DELE1: variants seen among roughly 807,000 people sequenced by gnomAD.
DELE1 encodes the protein death ligand signal enhancer.
DELE1 carries 54 observed loss-of-function variants against 59.3 expected under a neutral mutation model. That is an observed-to-expected ratio of 0.91 (90% CI 0.73 to 1.14). DELE1 has a LOEUF of 1.14. DELE1 is among the 50% of genes most tolerant of loss of function. DELE1 has a pLI of 0.00. For missense variants in DELE1, 636 were observed against 643.9 expected (o/e 0.99, Z 0.13); for synonymous variants, 264 against 259.1 (o/e 1.02, Z -0.18).
At position 141,934,565 on chromosome 5, in the gene DELE1, TTGGCTTGCAGCCAACAA is replaced by T; in HGVS notation, c.1132_1148del (p.Leu378GlyfsTer13). The T allele has an allele frequency of 6.2e-7, 1 of 1,614,266 alleles. No homozygotes were observed. Among genetic ancestry groups the T allele is most frequent in the Non-Finnish European group, 8.5e-7 (1 of 1,180,036 alleles). ...ATGAGCAGAGAGCTGTGAAATATCTTTGGCTTGCAGCCAACAATGGGGTATGCGATCTCAGTGGACAA... is the reference window on the plus strand; with the variant it reads ...ATGAGCAGAGAGCTGTGAAATATCTTTGGGGTATGCGATCTCAGTGGACAA... On this transcript the variant is annotated frameshift_variant, in exon 10 of 12. Coordinates refer to ENST00000432126, the MANE Select transcript of DELE1 (RefSeq NM_014773.5). LOFTEE classifies it high-confidence loss of function.
At chr5:141,937,448 G>A (rs998868946) in intron 11 of DELE1, 91 bp downstream of exon 11, 1 of 1,453,822 alleles carries the variant, frequency 6.9e-7, no homozygotes, top group Non-Finnish European at 9.4e-7. Flanking sequence ...TGGTCTCCTA[G>A]TCATTTCCAA....
chr5:141,931,447 G>C (rs991507835), intron 7 of DELE1, among the ~76,000 whole-genome samples: 10 of 152,136 alleles, frequency 6.6e-5, no homozygotes, highest in African/African-American at 2.2e-4. Flanking sequence ...AGCAGGAAAG[G>C]GGGCAGCCAC....
At chr5:141,926,529 G>A (rs1751438030) in intron 3 of DELE1, among the ~76,000 whole-genome samples, 2 of 152,220 alleles carry the variant, frequency 1.3e-5, no homozygotes, top group Non-Finnish European at 2.9e-5. Flanking sequence ...TGGAAGTTCT[G>A]CTTATAAGAT....
rs1285078610 is a variant in DELE1 at position 141,940,349 on chromosome 5, A to G, written c.*1590A>G. 2 of 985,432 alleles carry G rather than the reference A, an allele frequency of 2.0e-6. No homozygotes were observed. The highest frequency in any genetic ancestry group is 1.2e-6 in the Non-Finnish European group (1 of 829,934). The allele number at this position is 985,432 out of a possible 1,614,324, so 61.0% of individuals were successfully genotyped here. On this transcript the variant is annotated 3_prime_UTR_variant, in exon 12 of 12. Coordinates refer to ENST00000432126, the MANE Select transcript of DELE1 (RefSeq NM_014773.5). Reference sequence around the variant, plus strand: ...GAGTCCAGTTACTGAATTTGTGAATAGCTATTCCCTGGCTTCTGGATGTTA... The same window carrying G: ...GAGTCCAGTTACTGAATTTGTGAATGGCTATTCCCTGGCTTCTGGATGTTA...
In DELE1 at chr5:141,934,405, G is replaced by A. The variant is rs776923885; in HGVS notation, c.1056+7G>A. ...AGACTCAGGCTTGAGAGAGGTGAGT[G>A]CCATTGGCAGGGTCTGTTCAAGGTC... On this transcript the variant is annotated splice_region_variant and intron_variant, in intron 9 of 11. Transcript: ENST00000432126. The A allele has an allele frequency of 6.2e-7, 1 of 1,614,136 alleles. No individual in the cohort carries two copies. The highest frequency in any genetic ancestry group is 1.6e-4 in the Middle Eastern group (1 of 6,084).
chr5:141,926,086 G>A (rs528352667), intron 3 of DELE1, among the ~76,000 whole-genome samples: 3 of 151,970 alleles, frequency 2.0e-5, no homozygotes, highest in African/African-American at 7.2e-5. Context: ...CACCATTTTG[G>A]CCAGGATGGT....
intron 1 of DELE1, among the ~76,000 whole-genome samples, chr5:141,924,323 T>C (rs148210970): frequency 1.3e-5 from 2 of 151,920 alleles, no homozygotes; most frequent in Non-Finnish European, 2.9e-5. Context: ...TTAGTGAGAG[T>C]ATATGTATGA....
At position 141,939,154 on chromosome 5, in the gene DELE1, A is replaced by G; in HGVS notation, c.*395A>G. ...CTGTTTGCCAATGTCTGATGTGTGT[A>G]TCCCTGGTTCACAAGAAGATTTTAG... On this transcript the variant is annotated 3_prime_UTR_variant, in exon 12 of 12. Coordinates refer to ENST00000432126, the MANE Select transcript of DELE1 (RefSeq NM_014773.5). 10 of 979,476 alleles carry G rather than the reference A, an allele frequency of 1.0e-5. No homozygotes were observed. The highest frequency in any genetic ancestry group is 1.2e-5 in the Non-Finnish European group (10 of 822,838). The allele number at this position is 979,476 out of a possible 1,614,324, so 60.7% of individuals were successfully genotyped here. A position where few individuals can be genotyped will look rare whatever the true frequency, so the allele number is the denominator to read the frequency against.
intron 8 of DELE1, 132 bp from the exon 9 acceptor site, chr5:141,934,108 C>A: frequency 1.4e-6 from 1 of 699,134 alleles, no homozygotes; most frequent in Non-Finnish European, 2.1e-6. Context: ...TAAATTTTAG[C>A]TTATCTGAAT....
In DELE1 at chr5:141,924,029, G is replaced by A. The variant is rs1426158191; in HGVS notation, c.31+57G>A. On this transcript the variant is annotated intron_variant, in intron 1 of 11. Coordinates refer to ENST00000432126, the MANE Select transcript of DELE1 (RefSeq NM_014773.5). Reference sequence around the variant, plus strand: ...TGGGCCGCAAAGACCGAACTGGAGTGGGGGCGGGCCCGAGGAAACAGCCGA... The same window carrying A: ...TGGGCCGCAAAGACCGAACTGGAGTAGGGGCGGGCCCGAGGAAACAGCCGA... The A allele has an allele frequency of 8.8e-6, 14 of 1,582,754 alleles. No individual in the cohort carries two copies. In the East Asian group the frequency reaches 3.0e-4, roughly 34 times the overall value.
rs143113510 is a variant in DELE1, at chr5:141,933,820, C to G, written c.897+419C>G. On this transcript the variant is annotated intron_variant, in intron 8 of 11. Transcript: ENST00000432126. ...TGGGCCTTAAAATGATGTGCTAGAT[C>G]TGTATGTCAGGGAAAGACATTCATG... is the stretch of plus-strand genomic sequence containing the variant. 3.8e-4 allele frequency: 60 copies of G among 158,270 alleles called. No homozygotes were observed. The East Asian group carries it at 5.2e-3, about 14-fold the overall frequency. The allele number at this position is 158,270 out of a possible 1,614,324, so 9.8% of individuals were successfully genotyped here. A position where few individuals can be genotyped will look rare whatever the true frequency, so the allele number is the denominator to read the frequency against.
chr5:141,926,446 T>G (rs1751430193), intron 3 of DELE1, among the ~76,000 whole-genome samples: 1 of 152,198 alleles, frequency 6.6e-6, no homozygotes, highest in African/African-American at 2.4e-5. Flanking sequence ...ACCTGATCTA[T>G]AAGGTCAGAT....
In DELE1 at chr5:141,938,804, G is replaced by T. The variant is rs762925044; in HGVS notation, c.*45G>T. 1 of 1,551,090 alleles carries T rather than the reference G, an allele frequency of 6.4e-7. No individual in the cohort carries two copies. The highest frequency in any genetic ancestry group is 1.2e-5 in the South Asian group (1 of 83,778). ...CCTGGTGCCTCTTAGGGGCCAGAGC[G>T]GGCAGGAGGTTGGATAACAAAAATA... is the stretch of plus-strand genomic sequence containing the variant. On this transcript the variant is annotated 3_prime_UTR_variant, in exon 12 of 12. Coordinates refer to ENST00000432126, the MANE Select transcript of DELE1 (RefSeq NM_014773.5).
At chr5:141,929,774 A>AG in intron 5 of DELE1, 34 bp downstream of exon 5, 1 of 1,611,894 alleles carries the variant, frequency 6.2e-7, no homozygotes, top group Non-Finnish European at 8.5e-7. Flanking sequence ...AGCAGAAGGC[A>AG]GGGGGCGGTG....
At chr5:141,935,066 C>T (rs73792059) in intron 10 of DELE1, 3,154 of 158,020 alleles carry the variant, frequency 0.02, 115 homozygotes, top group African/African-American at 0.072. Flanking sequence ...GCTGTGAAAC[C>T]TGTACACATG....
intron 7 of DELE1, 116 bp from the exon 8 acceptor site, chr5:141,933,143 G>A (rs1752070771): frequency 6.0e-6 from 2 of 331,462 alleles, no homozygotes; most frequent in Admixed American, 3.8e-5. Flanking sequence ...TATGTAAAGT[G>A]TCTGGCACAA....
chr5:141,928,204 A>G lies in DELE1; in HGVS notation c.318A>G (p.Ala106=). Residue 106 remains alanine, a synonymous_variant, in exon 4 of 12, where the codon GCA becomes GCG. Transcript: ENST00000432126. ...LQLARQIHFQ[A]SLPAGPQRVE... ...TGGCAAGGCAGATCCACTTCCAGGCATCCCTGCCAGCAGGACCTCAGCGGG... is the reference window on the plus strand; with the variant it reads ...TGGCAAGGCAGATCCACTTCCAGGCGTCCCTGCCAGCAGGACCTCAGCGGG... 1 of 1,614,206 alleles carries G rather than the reference A, an allele frequency of 6.2e-7. No homozygotes were observed.
At chr5:141,924,741 T>C (rs1596584454) in intron 2 of DELE1, 46 bp downstream of exon 2, 2 of 837,698 alleles carry the variant, frequency 2.4e-6, no homozygotes, top group Admixed American at 2.9e-5. Flanking sequence ...CTAGTCACCC[T>C]TTTTTTTTAT....
intron 3 of DELE1, among the ~76,000 whole-genome samples, chr5:141,926,036 C>T (rs1272473109): frequency 2.6e-5 from 4 of 152,130 alleles, no homozygotes; most frequent in Middle Eastern, 3.4e-3. Context: ...CGTGCCACCA[C>T]GCCTGGATAA....
Sources: gnomAD v4.1 joint callset for allele counts (sites outside exome capture counted in the v4.1 genomes callset) on GRCh38, gnomAD v4.1.1 for gene constraint, MANE v1.5 for transcripts, NCBI Gene and HGNC (gene_info 2026-07-23, HGNC 2026-07-21) for gene names.